Variants in RFX3 observed in about 807,000 individuals in gnomAD.
The protein encoded by RFX3 is regulatory factor X3, also known as transcription factor RFX3.
Under a neutral mutation model 98.6 loss-of-function variants are expected in RFX3, and 14 were observed. That is an observed-to-expected ratio of 0.14 (90% CI 0.09 to 0.22). The LOEUF (loss-of-function observed/expected upper bound fraction) is 0.22. RFX3 is among the 10% of genes least tolerant of loss of function. The pLI is 1.00. For missense variants in RFX3, 639 were observed against 926.9 expected (o/e 0.69, Z 4.03); for synonymous variants, 383 against 328.4 (o/e 1.17, Z -1.80).
chr9:3,247,338 T>A, intron 15 of RFX3: 1 of 987,532 alleles, frequency 1.0e-6, no homozygotes, highest in South Asian at 4.7e-5. Flanking sequence ...CCCCCTTACA[T>A]CATTAGTGGT....
rs111966526 is a variant in RFX3, at chr9:3,445,724, G to A, written c.-8-50128C>T. Among the ~76,000 whole-genome samples, 51 of 152,108 alleles carry A rather than the reference G, an allele frequency of 3.4e-4. No individual in the cohort carries two copies. The South Asian group carries it at 6.0e-3, about 18-fold the overall frequency. ...AGGCAAAGTGTAAACTTGTCAACGCGATCGATAGGAGATCTTCCCGCCTAC... is the reference window on the plus strand; with the variant it reads ...AGGCAAAGTGTAAACTTGTCAACGCAATCGATAGGAGATCTTCCCGCCTAC... On this transcript the variant is annotated intron_variant, in intron 1 of 16. Transcript: ENST00000617270.
rs944870167 is a variant in RFX3 at position 3,365,060 on chromosome 9, G to A, written c.118-18296C>T. On this transcript the variant is annotated intron_variant, in intron 2 of 16. Coordinates refer to ENST00000617270, the MANE Select transcript of RFX3 (RefSeq NM_001282116.2). The stretch of plus-strand genomic sequence containing the variant: ...CTCACGCCTGTAATCCCAGCACTTC[G>A]GGAGGCCGGGACAGGTGGATCACAA... Among the ~76,000 whole-genome samples the A allele has an allele frequency of 5.9e-5, 9 of 152,012 alleles. No homozygotes were observed. The East Asian group carries it at 9.6e-4, about 16-fold the overall frequency.
At chr9:3,297,868 G>C (rs1412540106) in intron 5 of RFX3, among the ~76,000 whole-genome samples, 1 of 151,648 alleles carries the variant, frequency 6.6e-6, no homozygotes, top group African/African-American at 2.4e-5. Flanking sequence ...CGATTATTGG[G>C]AACAATTAAC....
intron 1 of RFX3, among the ~76,000 whole-genome samples, chr9:3,438,925 C>T (rs971181461): frequency 4.0e-5 from 6 of 151,692 alleles, no homozygotes; most frequent in African/African-American, 9.7e-5. Context: ...AATATTCTGG[C>T]CATAAAACAA....
chr9:3,296,090 A>T (rs1827951351), intron 5 of RFX3, among the ~76,000 whole-genome samples: 3 of 151,984 alleles, frequency 2.0e-5, no homozygotes, highest in Non-Finnish European at 4.4e-5. Context: ...TTTTACTACA[A>T]AATTTGAAAA....
chr9:3,466,571 G>GT (rs544095977), intron 1 of RFX3, among the ~76,000 whole-genome samples: 67 of 152,240 alleles, frequency 4.4e-4, no homozygotes, highest in Middle Eastern at 3.4e-3. Flanking sequence ...TAAAGTTACT[G>GT]TAATAATCTA....
intron 4 of RFX3, among the ~76,000 whole-genome samples, chr9:3,319,019 T>C (rs1830955317): frequency 6.6e-6 from 1 of 152,252 alleles, no homozygotes; most frequent in Non-Finnish European, 1.5e-5. Flanking sequence ...ACTTGGGAGT[T>C]GGAATTACCC....
At chr9:3,320,811 A>ATATATATG (rs1491257813) in intron 4 of RFX3, among the ~76,000 whole-genome samples, 7 of 119,306 alleles carry the variant, frequency 5.9e-5, no homozygotes, top group African/African-American at 2.0e-4. Context: ...ATATATATAT[A>ATATATATG]GCCTCATTAT....
At chr9:3,471,454 T>C (rs1393675378) in intron 1 of RFX3, among the ~76,000 whole-genome samples, 1 of 152,226 alleles carries the variant, frequency 6.6e-6, no homozygotes, top group Non-Finnish European at 1.5e-5. Context: ...TATATCTGAC[T>C]GTCAATTACA....
intron 15 of RFX3, among the ~76,000 whole-genome samples, chr9:3,246,203 C>G (rs751815566): frequency 6.6e-6 from 1 of 151,924 alleles, no homozygotes; most frequent in African/African-American, 2.4e-5. Context: ...ATGATTAGAT[C>G]TTTGACCATT....
chr9:3,323,427 T>A (rs1373578029), intron 4 of RFX3, among the ~76,000 whole-genome samples: 1 of 152,228 alleles, frequency 6.6e-6, no homozygotes, highest in African/African-American at 2.4e-5. Context: ...CTAATTTTTA[T>A]AAGTGAAGCA....
intron 16 of RFX3, among the ~76,000 whole-genome samples, chr9:3,228,333 A>G (rs1818036942): frequency 6.6e-6 from 1 of 152,198 alleles, no homozygotes; most frequent in Non-Finnish European, 1.5e-5. Context: ...TTAGAGTGGC[A>G]ATGCTGATAT....
rs751247688 is a variant in RFX3 at position 3,218,606 on chromosome 9, T to A, written c.*6436A>T. On this transcript the variant is annotated 3_prime_UTR_variant, in exon 17 of 17. Coordinates refer to ENST00000617270, the MANE Select transcript of RFX3 (RefSeq NM_001282116.2). ...TTTAGCATTTCTCACAAAAATCACA[T>A]CAGGAAATACGTATTTACAAAATCA... The A allele has an allele frequency of 4.6e-5, 7 of 152,092 alleles. No homozygotes were observed. Among genetic ancestry groups the A allele is most frequent in the Non-Finnish European group, 8.8e-5 (6 of 67,990 alleles). The allele number at this position is 152,092 out of a possible 1,614,324, so 9.4% of individuals were successfully genotyped here.
At chr9:3,335,600 G>A (rs970532818) in intron 3 of RFX3, among the ~76,000 whole-genome samples, 9 of 152,162 alleles carry the variant, frequency 5.9e-5, no homozygotes, top group African/African-American at 2.2e-4. Context: ...ACATTTAAAT[G>A]ATACTGCTGT....
chr9:3,361,560 G>A (rs949185246), intron 2 of RFX3, among the ~76,000 whole-genome samples: 1 of 151,310 alleles, frequency 6.6e-6, no homozygotes, highest in Non-Finnish European at 1.5e-5. Context: ...GGGAGGCTAC[G>A]GTATTCATTC....
chr9:3,522,241 T>G (rs557189841), intron 1 of RFX3, among the ~76,000 whole-genome samples: 2 of 152,244 alleles, frequency 1.3e-5, no homozygotes, highest in African/African-American at 4.8e-5. Flanking sequence ...CCACTTAATC[T>G]TGGATTTCCA....
At chr9:3,478,381 T>C (rs116772665) in intron 1 of RFX3, among the ~76,000 whole-genome samples, 3,923 of 151,798 alleles carry the variant, frequency 0.026, 184 homozygotes, top group African/African-American at 0.09. Flanking sequence ...TTCCCCGTAG[T>C]GTGTGGCCAC....
intron 11 of RFX3, 63 bp downstream of exon 11, chr9:3,270,308 C>G (rs1824262793): frequency 2.0e-6 from 3 of 1,507,758 alleles, no homozygotes; most frequent in Admixed American, 2.2e-5. Flanking sequence ...TGTCACTTCT[C>G]AAAACTTCCT....
At chr9:3,312,400 C>G (rs1742040072) in intron 4 of RFX3, among the ~76,000 whole-genome samples, 1 of 152,128 alleles carries the variant, frequency 6.6e-6, no homozygotes, top group South Asian at 2.1e-4. Flanking sequence ...GTTCCTTGAG[C>G]TCTGCAGACC....
Sources: allele counts gnomAD v4.1 joint callset (sites outside exome capture counted in the v4.1 genomes callset), GRCh38; gene constraint gnomAD v4.1.1; transcripts MANE v1.5; gene names NCBI Gene and HGNC (gene_info 2026-07-23, HGNC 2026-07-21).